The following TRHDE variants were observed in gnomAD, a reference collection of about 807,000 sequenced individuals.
TRHDE encodes the protein thyrotropin-releasing hormone-degrading ectoenzyme.
TRHDE carries 72 observed loss-of-function variants against 125.7 expected under a neutral mutation model. The observed-to-expected ratio is 0.57, with a 90% CI of 0.47 to 0.70. TRHDE has a LOEUF of 0.70. TRHDE is among the 30% of genes least tolerant of loss of function. The pLI is 0.00. For synonymous variants in TRHDE, 509 were observed against 509.1 expected, an observed-to-expected ratio of 1.00 and a Z score of 0.00; for missense variants, 1,110 against 1,327.1, an observed-to-expected ratio of 0.84 and a Z score of 2.54.
rs1054019467 is a variant in TRHDE at position 72,389,804 on chromosome 12, A to C, written c.1315+11683A>C. ...TACATAGCAGGCAAGGTCTGGTGTG[A>C]CTTACATTTTTAAAGAATCACATTG... On this transcript the variant is annotated intron_variant, in intron 3 of 18. Transcript: ENST00000261180. 2.4e-3 allele frequency among the ~76,000 whole-genome samples: 362 copies of C among 152,266 alleles called. 1 individual carries two copies. Among genetic ancestry groups the C allele is most frequent in the African/African-American group, 7.9e-3 (328 of 41,554 alleles).
At chr12:72,194,380 A>C (rs537283651) in intron 2 of TRHDE, among the ~76,000 whole-genome samples, 6 of 152,174 alleles carry the variant, frequency 3.9e-5, no homozygotes, top group African/African-American at 1.4e-4. Flanking sequence ...TTGTTTTTAC[A>C]CTTGCCCAAT....
intron 2 of TRHDE, among the ~76,000 whole-genome samples, chr12:72,185,012 C>T (rs1032017055): frequency 1.3e-5 from 2 of 152,208 alleles, no homozygotes; most frequent in African/African-American, 2.4e-5. Context: ...CTGGAGCCCA[C>T]TCCCTCAGCT....
At chr12:72,631,932 C>A (rs1873513165) in intron 15 of TRHDE, among the ~76,000 whole-genome samples, 1 of 151,906 alleles carries the variant, frequency 6.6e-6, no homozygotes, top group Admixed American at 6.6e-5. Context: ...TTAAGGTAAA[C>A]CACATTTGCA....
At position 72,174,502 on chromosome 12, in the gene TRHDE, T is replaced by C. The variant is rs117095222; in HGVS notation, n.279+68750T>C. Among the ~76,000 whole-genome samples, 103 of 152,322 alleles carry C rather than the reference T, an allele frequency of 6.8e-4. 1 individual carries two copies. In the East Asian group the frequency reaches 0.016, roughly 24 times the overall value. ...TCTTATATCATTTTTTTCTTCCCAA[T>C]TCATGTTCCAATCCAGATTTATGCT... On this transcript the variant is annotated intron_variant and non_coding_transcript_variant, in intron 2 of 4. Coordinates refer to the TRHDE transcript ENST00000548156.
chr12:72,099,784 T>C (rs888616995), intron 1 of TRHDE, among the ~76,000 whole-genome samples: 14 of 151,998 alleles, frequency 9.2e-5, no homozygotes, highest in African/African-American at 3.4e-4. Context: ...AAATCTAGAG[T>C]TCAGGCTCAA....
At chr12:72,293,634 G>A (rs184483453) in intron 2 of TRHDE, among the ~76,000 whole-genome samples, 2 of 152,342 alleles carry the variant, frequency 1.3e-5, no homozygotes, top group Non-Finnish European at 2.9e-5. Context: ...CAAACTCATA[G>A]GGAGTGAGTT....
intron 3 of TRHDE, among the ~76,000 whole-genome samples, chr12:72,419,671 C>T (rs1873871996): frequency 6.6e-6 from 1 of 152,168 alleles, no homozygotes; most frequent in Admixed American, 6.5e-5. Flanking sequence ...CCAGACCCCA[C>T]ATCCAACATT....
intron 2 of TRHDE, among the ~76,000 whole-genome samples, chr12:72,181,384 A>G (rs564516800): frequency 6.6e-5 from 10 of 152,244 alleles, no homozygotes; most frequent in African/African-American, 2.4e-4. Context: ...TACTAGCTTT[A>G]TTGGAATTTG....
chr12:72,470,919 C>G (rs920825019), intron 4 of TRHDE, among the ~76,000 whole-genome samples: 1 of 130,322 alleles, frequency 7.7e-6, no homozygotes, highest in Non-Finnish European at 1.5e-5. Flanking sequence ...CTCTGTCACC[C>G]AGGCTGGAGT....
chr12:72,452,906 A>G (rs186925443), intron 3 of TRHDE, among the ~76,000 whole-genome samples: 1 of 152,260 alleles, frequency 6.6e-6, no homozygotes, highest in East Asian at 1.9e-4. Flanking sequence ...TGATTCCTGT[A>G]CAGCCTGTGA....
At chr12:72,356,021 A>T (rs2135745387) in intron 2 of TRHDE, among the ~76,000 whole-genome samples, 1 of 151,952 alleles carries the variant, frequency 6.6e-6, no homozygotes, top group South Asian at 2.1e-4. Context: ...CATTCAATCC[A>T]GCAATCCCAT....
intron 2 of TRHDE, among the ~76,000 whole-genome samples, chr12:72,321,431 G>A (rs1166494753): frequency 6.6e-6 from 1 of 152,124 alleles, no homozygotes; most frequent in Non-Finnish European, 1.5e-5. Context: ...TACATAAAGT[G>A]GGTTAACACT....
At chr12:72,615,861 G>A (rs770347070) in intron 12 of TRHDE, among the ~76,000 whole-genome samples, 11 of 152,040 alleles carry the variant, frequency 7.2e-5, no homozygotes, top group Non-Finnish European at 1.2e-4. Context: ...GCAGGTTTTC[G>A]ATATATTCAA....
intron 2 of TRHDE, among the ~76,000 whole-genome samples, chr12:72,106,678 G>A (rs1043304669): frequency 3.9e-5 from 6 of 152,072 alleles, no homozygotes; most frequent in East Asian, 3.8e-4. Context: ...CAAAGAATCC[G>A]ATATAGTGGA....
intron 12 of TRHDE, among the ~76,000 whole-genome samples, chr12:72,581,506 A>C (rs1030333350): frequency 1.1e-4 from 17 of 152,174 alleles, no homozygotes; most frequent in African/African-American, 4.1e-4. Context: ...GGCAGTTACT[A>C]TGTTAACTTT....
At chr12:72,582,871 G>A (rs1383091820) in intron 12 of TRHDE, among the ~76,000 whole-genome samples, 9 of 152,190 alleles carry the variant, frequency 5.9e-5, no homozygotes, top group South Asian at 2.1e-4. Flanking sequence ...TTGATTTTAT[G>A]AAGGATGCTT....
intron 10 of TRHDE, among the ~76,000 whole-genome samples, chr12:72,569,591 C>A (rs945427830): frequency 6.6e-6 from 1 of 152,110 alleles, no homozygotes; most frequent in Admixed American, 6.5e-5. Flanking sequence ...TGTATACATG[C>A]AAGAAAACGT....
At chr12:72,329,058 C>G (rs1356841814) in intron 2 of TRHDE, among the ~76,000 whole-genome samples, 1 of 152,124 alleles carries the variant, frequency 6.6e-6, no homozygotes, top group Middle Eastern at 3.2e-3. Context: ...CATTCCATCA[C>G]AAAAATATTT....
At chr12:72,090,774 T>C (rs991641047) in intron 1 of TRHDE, among the ~76,000 whole-genome samples, 17 of 152,278 alleles carry the variant, frequency 1.1e-4, no homozygotes, top group African/African-American at 3.8e-4. Context: ...TTAACTGTTA[T>C]CTCTAGAGAT....
Sources: gnomAD v4.1 joint callset for allele counts (sites outside exome capture counted in the v4.1 genomes callset) on GRCh38, gnomAD v4.1.1 for gene constraint, MANE v1.5 for transcripts, NCBI Gene and HGNC (gene_info 2026-07-23, HGNC 2026-07-21) for gene names.